ABCB11: variants seen among roughly 807,000 people sequenced by gnomAD.
The protein encoded by ABCB11 is ATP binding cassette subfamily B member 11.
A neutral mutation model predicts 148.0 loss-of-function variants in ABCB11; 95 were observed. That is an observed-to-expected ratio of 0.64 (90% CI 0.54 to 0.76). The LOEUF (loss-of-function observed/expected upper bound fraction) is 0.76. ABCB11 is among the 30% of genes least tolerant of loss of function. The pLI is 0.00. For synonymous variants in ABCB11, 591 were observed against 555.4 expected, an observed-to-expected ratio of 1.06 and a Z score of -0.90; for missense variants, 1,523 against 1,617.8, an observed-to-expected ratio of 0.94 and a Z score of 1.01.
intron 10 of ABCB11, among the ~76,000 whole-genome samples, chr2:168,981,091 G>A (rs994571644): frequency 2.0e-5 from 3 of 152,092 alleles, no homozygotes; most frequent in Non-Finnish European, 2.9e-5. Context: ...GTTTCTATAG[G>A]CCAGACCCTT....
chr2:168,927,575 T>C (rs1691373622), intron 25 of ABCB11, among the ~76,000 whole-genome samples: 1 of 152,204 alleles, frequency 6.6e-6, no homozygotes, highest in South Asian at 2.1e-4. Flanking sequence ...AATCAGACTA[T>C]GGTCCTATTT....
chr2:168,921,737 T>TG lies in ABCB11; in HGVS notation c.*1884dup, dbSNP rs1691079695. Among the ~76,000 whole-genome samples, 1 of 152,088 alleles carries TG rather than the reference T, an allele frequency of 6.6e-6. No homozygotes were observed. On this transcript the variant is annotated 3_prime_UTR_variant, in exon 28 of 28. Coordinates refer to ENST00000650372, the MANE Select transcript of ABCB11 (RefSeq NM_003742.4). ...TGCAAGGAGGAGACACCAAAAAGCC[T>TG]GGGGAAGCTCTGATCGAGTGGGTGC... is the stretch of plus-strand genomic sequence containing the variant.
chr2:168,995,345 T>C lies in ABCB11; in HGVS notation c.611+4A>G, dbSNP rs780248854. 8 of 1,611,144 alleles carry C rather than the reference T, an allele frequency of 5.0e-6. No homozygotes were observed. The highest frequency in any genetic ancestry group is 1.7e-5 in the Admixed American group (1 of 59,724). Reference sequence around the variant, plus strand: ...ACTAAAATACTGTTTTACCAGCTACTTACTCAGAGAATCTTGTATTCAGCT... The same window carrying C: ...ACTAAAATACTGTTTTACCAGCTACCTACTCAGAGAATCTTGTATTCAGCT... On this transcript the variant is annotated splice_donor_region_variant and intron_variant, in intron 7 of 27. Transcript: ENST00000650372.
intron 19 of ABCB11, among the ~76,000 whole-genome samples, chr2:168,953,680 T>C (rs1417233019): frequency 6.6e-6 from 1 of 151,516 alleles, no homozygotes; most frequent in East Asian, 2.0e-4. Flanking sequence ...ATTTAATCCA[T>C]TTACATTTGT....
rs1031540522 is a variant in ABCB11 at position 168,930,674 on chromosome 2, T to C, written c.3402A>G (p.Gln1134=). ...QLLERFYDPD[Q]GKVMIDGHDS... Reference sequence around the variant, plus strand: ...AGGTTGCGTGGCTTACCACCTTCCCTTGATCAGGATCATAGAAACGTTCCA... The same window carrying C: ...AGGTTGCGTGGCTTACCACCTTCCCCTGATCAGGATCATAGAAACGTTCCA... Residue 1134 remains glutamine (Q), a synonymous_variant, in exon 25 of 28, where the codon CAA becomes CAG. Coordinates refer to ENST00000650372, the MANE Select transcript of ABCB11 (RefSeq NM_003742.4). The C allele has an allele frequency of 6.5e-7, 1 of 1,543,270 alleles. No individual in the cohort carries two copies.
chr2:169,010,346 ATAAGC>A (rs1695143388), intron 5 of ABCB11, among the ~76,000 whole-genome samples: 1 of 152,166 alleles, frequency 6.6e-6, no homozygotes. Flanking sequence ...AGAAATTCTG[ATAAGC>A]TAATCAAGAG....
intron 21 of ABCB11, among the ~76,000 whole-genome samples, chr2:168,942,762 TA>T (rs764604554): frequency 2.0e-5 from 3 of 151,338 alleles, no homozygotes; most frequent in South Asian, 2.1e-4. Context: ...CTACAAAAAT[TA>T]AAAAAAATTA....
chr2:168,993,986 C>T, intron 7 of ABCB11, 104 bp from the exon 8 acceptor site: 1 of 1,000,932 alleles, frequency 1.0e-6, no homozygotes, highest in Non-Finnish European at 1.5e-6. Context: ...TCTCTCTATC[C>T]CTATCACCCT....
Position 168,973,785 on chromosome 2 carries a change from C to T in ABCB11, c.1364G>A (p.Gly455Glu), listed in dbSNP as rs1477888526. 3 of 1,612,220 alleles carry T rather than the reference C, an allele frequency of 1.9e-6. No individual in the cohort carries two copies. The highest frequency in any genetic ancestry group is 1.7e-6 in the Non-Finnish European group (2 of 1,178,692). The change falls in exon 13 of 28, where the codon GGA (glycine) becomes GAA (glutamate). Residue 455 changes from glycine to glutamate, a missense_variant. Gly to Glu is a moderately conservative substitution (Grantham distance 98). Coordinates refer to ENST00000650372, the MANE Select transcript of ABCB11 (RefSeq NM_003742.4). Reference sequence around the variant, plus strand: ...TGTACTTTTTCCAGCTCCACTGGGTCCTACCAGAGCTGTCATTTCCCCTGG... The same window carrying T: ...TGTACTTTTTCCAGCTCCACTGGGTTCTACCAGAGCTGTCATTTCCCCTGG... ...IKPGEMTALVGPSGAGKSTAL... is the reference protein window; with the variant it reads ...IKPGEMTALVEPSGAGKSTAL...
At chr2:168,925,661 T>C (rs1691276768) in intron 26 of ABCB11, among the ~76,000 whole-genome samples, 1 of 152,228 alleles carries the variant, frequency 6.6e-6, no homozygotes, top group African/African-American at 2.4e-5. Context: ...TGACTACTTC[T>C]CTTCCTTGCC....
intron 26 of ABCB11, among the ~76,000 whole-genome samples, chr2:168,925,342 T>G (rs1431294851): frequency 1.3e-5 from 2 of 152,210 alleles, no homozygotes; most frequent in Non-Finnish European, 2.9e-5. Flanking sequence ...TGAGGTGCAG[T>G]ATTAACACTT....
intron 5 of ABCB11, among the ~76,000 whole-genome samples, chr2:168,999,024 T>C (rs545285810): frequency 8.5e-5 from 13 of 152,168 alleles, no homozygotes; most frequent in African/African-American, 2.9e-4. Context: ...TTGGGAACAC[T>C]TGTCATCATA....
intron 5 of ABCB11, 27 bp downstream of exon 5, chr2:169,013,245 A>G: frequency 1.3e-6 from 2 of 1,549,758 alleles, no homozygotes; most frequent in Non-Finnish European, 1.8e-6. Flanking sequence ...GCAAAAAAGT[A>G]AAAAATTAAA....
intron 5 of ABCB11, 94 bp from the exon 6 acceptor site, chr2:168,996,816 A>C: frequency 3.3e-6 from 1 of 300,906 alleles, no homozygotes; most frequent in Non-Finnish European, 5.8e-6. Context: ...AAAAATATAT[A>C]TATTTTAAAT....
chr2:168,951,489 C>G (rs1692568058), intron 19 of ABCB11, among the ~76,000 whole-genome samples: 1 of 151,184 alleles, frequency 6.6e-6, no homozygotes, highest in Admixed American at 6.6e-5. Context: ...AAATATATTC[C>G]TAAGTATTTT....
At chr2:169,029,764 C>T (rs1390991657) in intron 1 of ABCB11, among the ~76,000 whole-genome samples, 14 of 96,540 alleles carry the variant, frequency 1.5e-4, no homozygotes, top group Non-Finnish European at 2.6e-4. Context: ...AGAGGAGTCT[C>T]GCTCTGTCGC....
intron 11 of ABCB11, among the ~76,000 whole-genome samples, chr2:168,979,235 T>G (rs1694044515): frequency 1.3e-5 from 2 of 152,054 alleles, no homozygotes; most frequent in South Asian, 4.1e-4. Context: ...ATCAGCAGCC[T>G]TTTCCAACTT....
intron 23 of ABCB11, among the ~76,000 whole-genome samples, chr2:168,934,210 A>G (rs1691714955): frequency 6.6e-6 from 1 of 152,168 alleles, no homozygotes. Context: ...TAAATATGCA[A>G]AGATTTAGAA....
intron 5 of ABCB11, among the ~76,000 whole-genome samples, chr2:169,007,358 C>G (rs545602094): frequency 4.6e-5 from 7 of 152,130 alleles, no homozygotes; most frequent in Non-Finnish European, 1.0e-4. Flanking sequence ...CAAAGTGGAT[C>G]GTAGACTAAC....
Sources: allele counts gnomAD v4.1 joint callset (sites outside exome capture counted in the v4.1 genomes callset), GRCh38; gene constraint gnomAD v4.1.1; transcripts MANE v1.5; gene names NCBI Gene and HGNC (gene_info 2026-07-23, HGNC 2026-07-21).